MICAL1: variants seen among roughly 807,000 people sequenced by gnomAD.
MICAL1 encodes [F-actin]-monooxygenase MICAL1.
MICAL1 carries 95 observed loss-of-function variants against 131.8 expected under a neutral mutation model. The observed-to-expected ratio is 0.72, with a 90% confidence interval of 0.61 to 0.86. MICAL1 has a LOEUF of 0.86. Among genes scored for constraint, MICAL1 ranks in the 40% least tolerant of loss-of-function variants. MICAL1 has a pLI of 0.00. For synonymous variants in MICAL1, 546 were observed against 554.2 expected, an observed-to-expected ratio of 0.99 and a Z score of 0.21; for missense variants, 1,292 against 1,380.6, an observed-to-expected ratio of 0.94 and a Z score of 1.02.
At chr6:109,458,988 A>T (rs1775827821), upstream of MICAL1, among the ~76,000 whole-genome samples, 1 of 152,196 alleles carries the variant, frequency 6.6e-6, no homozygotes, top group South Asian at 2.1e-4. Context: ...ACAGATGAGT[A>T]CTCATGAATC....
At position 109,447,841 on chromosome 6, in the gene MICAL1, C is replaced by T. The variant is rs202090575; in HGVS notation, c.1944+34G>A. On this transcript the variant is annotated intron_variant, in intron 14 of 24. Transcript: ENST00000358807. ...CTGGGTACCCCCCTGCCCACTCCTC[C>T]CTGCTCAGCTCCAGCCCTGCCTAAA... 3.2e-5 allele frequency: 52 copies of T among 1,612,770 alleles called. No individual in the cohort carries two copies. In the African/African-American group the frequency reaches 6.0e-4, roughly 19 times the overall value.
chr6:109,458,856 G>A (rs1396873380), upstream of MICAL1, among the ~76,000 whole-genome samples: 3 of 152,172 alleles, frequency 2.0e-5, no homozygotes, highest in African/African-American at 2.4e-5. Flanking sequence ...GTCCTGGGCC[G>A]GGAAGCTGTG....
chr6:109,465,508 T>C, intron 1 of MICAL1: 1 of 796,636 alleles, frequency 1.3e-6, no homozygotes. Context: ...ACTGGGGAGG[T>C]TGGCAAGACC....
upstream of MICAL1, among the ~76,000 whole-genome samples, chr6:109,456,698 G>A (rs529898736): frequency 1.4e-4 from 22 of 152,308 alleles, no homozygotes; most frequent in African/African-American, 5.1e-4. Flanking sequence ...GTGAAGGGAC[G>A]CGTCCAGTCT....
chr6:109,447,769 G>C (rs776349954), intron 14 of MICAL1, 47 bp from the exon 15 acceptor site: 63 of 1,613,406 alleles, frequency 3.9e-5, no homozygotes, highest in Non-Finnish European at 5.3e-5. Context: ...TGAGGTCCCA[G>C]TCCTCCCCAC....
In MICAL1 at chr6:109,452,166, G is replaced by A. The variant is rs569815363; in HGVS notation, c.832+80C>T. 1.9e-4 allele frequency: 285 copies of A among 1,534,590 alleles called. 1 individual carries two copies. In the African/African-American group the frequency reaches 2.2e-3, roughly 12 times the overall value. The stretch of plus-strand genomic sequence containing the variant: ...AAAAGTGTGGAGTTCCTTGCAGTGA[G>A]GACAAGTTTGGAAGGGAGAGGCAGG... On this transcript the variant is annotated intron_variant, in intron 6 of 24. Coordinates refer to ENST00000358807, the MANE Select transcript of MICAL1 (RefSeq NM_022765.4).
intron 1 of MICAL1, chr6:109,464,933 G>C (rs1401907268): frequency 6.6e-6 from 1 of 152,180 alleles, no homozygotes; most frequent in African/African-American, 2.4e-5. Context: ...ATTTTCAGGA[G>C]ATCAGTTAGA....
chr6:109,452,138 C>G, intron 6 of MICAL1, 108 bp downstream of exon 6: 2 of 1,489,400 alleles, frequency 1.3e-6, no homozygotes, highest in Non-Finnish European at 1.8e-6. Flanking sequence ...ACCAAAAAAA[C>G]AGAAAAGTGT....
chr6:109,461,640 C>A lies in MICAL1; in HGVS notation c.14+4024G>T, dbSNP rs369301148. ...GACCCTCAATTTTAGTCAAAAACTT[C>A]TATTACATTAAGCAGGTCACATTCT... On this transcript the variant is annotated intron_variant, in intron 1 of 24. Transcript: ENST00000630715. 1.6e-4 allele frequency among the ~76,000 whole-genome samples: 25 copies of A among 152,030 alleles called. No homozygotes were observed. In the South Asian group the frequency reaches 3.1e-3, roughly 19 times the overall value.
intron 6 of MICAL1, chr6:109,451,924 C>A (rs1562292241): frequency 7.2e-7 from 1 of 1,385,654 alleles, no homozygotes; most frequent in Non-Finnish European, 9.3e-7. Flanking sequence ...AGGGGGGTGG[C>A]ATTTGGGAGA....
Position 109,448,240 on chromosome 6 carries a change from G to A in MICAL1, c.1818C>T (p.His606=), listed in dbSNP as rs368690364. 2 of 1,613,560 alleles carry A rather than the reference G, an allele frequency of 1.2e-6. No individual in the cohort carries two copies. Among genetic ancestry groups the A allele is most frequent in the Non-Finnish European group, 1.7e-6 (2 of 1,180,008 alleles). Residue 606 remains histidine (H), a synonymous_variant, in exon 13 of 25, where the codon CAC becomes CAT. Transcript: ENST00000358807. ...CCATGCTCTTGAAGGCACTGTGGAAGTGGCTGAGGTAGGCAATGAGGCCCA... is the reference window on the plus strand; with the variant it reads ...CCATGCTCTTGAAGGCACTGTGGAAATGGCTGAGGTAGGCAATGAGGCCCA... The part of the protein sequence containing the change: ...DPLGLIAYLS[H]FHSAFKSMAH...
chr6:109,450,901 G>A (rs992524937), intron 7 of MICAL1, among the ~76,000 whole-genome samples: 1 of 152,184 alleles, frequency 6.6e-6, no homozygotes, highest in Non-Finnish European at 1.5e-5. Flanking sequence ...TTAGATGGGA[G>A]ATGCAAATTT....
chr6:109,446,091 C>A, intron 19 of MICAL1, 45 bp downstream of exon 19: 1 of 1,518,882 alleles, frequency 6.6e-7, no homozygotes, highest in South Asian at 1.3e-5. Flanking sequence ...CCAGTGCTCC[C>A]ACCCTGTCCC....
Position 109,445,407 on chromosome 6 carries a change from G to A in MICAL1, c.2787+9C>T, listed in dbSNP as rs370315135. 2.2e-5 allele frequency: 35 copies of A among 1,613,772 alleles called. No homozygotes were observed. Among genetic ancestry groups the A allele is most frequent in the Middle Eastern group, 1.6e-4 (1 of 6,084 alleles). Reference sequence around the variant, plus strand: ...CCCCATCAGAATTTTGGGAACCCCCGGGCTTCACCTGGGCCTTGCAGAACC... The same window carrying A: ...CCCCATCAGAATTTTGGGAACCCCCAGGCTTCACCTGGGCCTTGCAGAACC... On this transcript the variant is annotated intron_variant, in intron 21 of 24. Coordinates refer to ENST00000358807, the MANE Select transcript of MICAL1 (RefSeq NM_022765.4).
chr6:109,457,957 T>C (rs1397758445), upstream of MICAL1, among the ~76,000 whole-genome samples: 6 of 152,210 alleles, frequency 3.9e-5, no homozygotes, highest in East Asian at 5.8e-4. Context: ...TAGTGTGACC[T>C]TGGATGTCAC....
rs1439595238 is a variant in MICAL1, at chr6:109,447,943, G to A, written c.1876C>T (p.Pro626Ser). The A allele has an allele frequency of 6.2e-7, 1 of 1,611,906 alleles. No homozygotes were observed. The highest frequency in any genetic ancestry group is 1.7e-5 in the Admixed American group (1 of 59,772). ...HSPGPVSQAS[P>S]GTSSAVLFLS... is the part of the protein sequence containing the mutation. ...AATAATACAGCACTGGAGGTCCCTG[G>A]GGAGGCCTGGCTGACAGGGCCTGCG... The change falls in exon 14 of 25, where the codon CCA (proline) becomes TCA (serine). Residue 626 changes from proline (P) to serine (S), a missense_variant. Coordinates refer to ENST00000358807, the MANE Select transcript of MICAL1 (RefSeq NM_022765.4).
Position 109,448,742 on chromosome 6 carries a change from G to C in MICAL1, c.1654C>G (p.Pro552Ala), listed in dbSNP as rs1220642889. The change falls in exon 12 of 25, where the codon CCT becomes GCT. Residue 552 changes from proline to alanine, a missense_variant. Physicochemically the swap from Pro to Ala is conservative, Grantham distance 27 (BLOSUM62 -1). Transcript: ENST00000358807. ...CTGCCAGGGACTCACAGCAGGCCAG[G>C]CTGCAGCCGGTACACCAGGGCACAC... ...ALCALVYRLQ[P>A]GLLEPSELQG... 6.2e-7 allele frequency: 1 copy of C among 1,614,014 alleles called. No individual in the cohort carries two copies. The highest frequency in any genetic ancestry group is 8.5e-7 in the Non-Finnish European group (1 of 1,179,964).
At position 109,449,661 on chromosome 6, in the gene MICAL1, T is replaced by C. The variant is rs9374088; in HGVS notation, c.1430A>G (p.Asn477Ser). The change falls in exon 10 of 25, where the codon AAT (asparagine) becomes AGT (serine). Residue 477 changes from asparagine to serine, a missense_variant. Asn to Ser is a conservative substitution (Grantham distance 46). Coordinates refer to ENST00000358807, the MANE Select transcript of MICAL1 (RefSeq NM_022765.4). ...PNLNLRAVTP[N>S]QVRDLYDVLA... is the part of the protein sequence containing the mutation. ...TGGGTGTGTCGGGGGTCTGACCTGA[T>C]TGGGGGTCACTGCCCGGAGGTTCAG... 1.7e-5 allele frequency: 27 copies of C among 1,582,378 alleles called. No homozygotes were observed. The highest frequency in any genetic ancestry group is 8.9e-5 in the East Asian group (4 of 44,704).
rs200968445 is a variant in MICAL1, at chr6:109,449,438, C to T, written c.1478G>A (p.Arg493Lys). 31 of 1,614,228 alleles carry T rather than the reference C, an allele frequency of 1.9e-5. No homozygotes were observed. In the East Asian group the frequency reaches 5.1e-4, roughly 27 times the overall value. Residue 493 changes from arginine (R) to lysine (K), a missense_variant, in exon 11 of 25, where the codon AGG becomes AAG. Arg to Lys is a conservative substitution (Grantham distance 26). Transcript: ENST00000358807. ...YDVLAKEPVQ[R>K]NNDKTDTGMP... The stretch of plus-strand genomic sequence containing the variant: ...CCCTGTATCTGTCTTGTCGTTGTTC[C>T]TCTGCACAGGCTCCTTGGCTAGCAC...
Sources: gnomAD v4.1 joint callset for allele counts (sites outside exome capture counted in the v4.1 genomes callset) on GRCh38, gnomAD v4.1.1 for gene constraint, MANE v1.5 for transcripts, NCBI Gene and HGNC (gene_info 2026-07-23, HGNC 2026-07-21) for gene names.